The following NCOA7 variants were observed in gnomAD, a reference collection of about 807,000 sequenced individuals.
The protein encoded by NCOA7 is 140 kDa estrogen receptor-associated protein.
NCOA7 carries 45 observed loss-of-function variants against 104.3 expected under a neutral mutation model. The ratio of observed to expected loss-of-function variants is 0.43; its 90% CI spans 0.34 to 0.55. The LOEUF is 0.55. Ranked by LOEUF, NCOA7 falls within the 20% of genes least tolerant of loss-of-function variation. The pLI is 0.02. For missense variants in NCOA7, 1,041 were observed against 1,119.7 expected (o/e 0.93, Z 1.00); for synonymous variants, 398 against 402.3 (o/e 0.99, Z 0.13).
intron 13 of NCOA7, among the ~76,000 whole-genome samples, chr6:125,925,209 A>G (rs1787921613): frequency 6.6e-6 from 1 of 152,212 alleles, no homozygotes; most frequent in African/African-American, 2.4e-5. Flanking sequence ...GCTCTACCCA[A>G]AGGAACTGAC....
chr6:125,801,026 C>T (rs1042002290), intron 1 of NCOA7, among the ~76,000 whole-genome samples: 3 of 152,010 alleles, frequency 2.0e-5, no homozygotes, highest in Non-Finnish European at 4.4e-5. Flanking sequence ...CAGAGTGAGA[C>T]GCCATCTCAA....
chr6:125,792,705 G>T (rs1259656535), intron 1 of NCOA7, among the ~76,000 whole-genome samples: 1 of 151,676 alleles, frequency 6.6e-6, no homozygotes, highest in Non-Finnish European at 1.5e-5. Flanking sequence ...TTCCAAATTT[G>T]ACAGCCAGGG....
At chr6:125,856,771 A>C (rs1781597971) in intron 3 of NCOA7, among the ~76,000 whole-genome samples, 1 of 152,162 alleles carries the variant, frequency 6.6e-6, no homozygotes, top group Non-Finnish European at 1.5e-5. Flanking sequence ...AGTCACTAAG[A>C]ACACACTGCA....
intron 10 of NCOA7, among the ~76,000 whole-genome samples, chr6:125,913,338 G>A (rs1447495570): frequency 6.6e-6 from 1 of 152,178 alleles, no homozygotes; most frequent in African/African-American, 2.4e-5. Context: ...AGACCTCTGT[G>A]ATTTTCTCTT....
At chr6:125,824,037 A>C (rs936075826) in intron 2 of NCOA7, among the ~76,000 whole-genome samples, 45 of 152,184 alleles carry the variant, frequency 3.0e-4, no homozygotes, top group African/African-American at 1.1e-3. Flanking sequence ...GGATTCCTTA[A>C]TTGTTAGCAT....
At position 125,927,636 on chromosome 6, in the gene NCOA7, G is replaced by A. The variant is rs1257786955; in HGVS notation, c.2524-27G>A. 7 of 1,546,468 alleles carry A rather than the reference G, an allele frequency of 4.5e-6. No homozygotes were observed. In the East Asian group the frequency reaches 1.1e-4, roughly 25 times the overall value. On this transcript the variant is annotated intron_variant, in intron 13 of 15. Transcript: ENST00000392477. ...CTTTGGGGATTTAGGTTTGAATGTA[G>A]GTAACATTTCTGTTTTCTTTTGACA...
intron 10 of NCOA7, among the ~76,000 whole-genome samples, chr6:125,897,893 G>T (rs1785173900): frequency 1.3e-5 from 2 of 152,158 alleles, no homozygotes; most frequent in Admixed American, 1.3e-4. Context: ...TAGCCAGGCT[G>T]GTCTCATACT....
chr6:125,787,951 G>A (rs555183045), upstream of NCOA7, among the ~76,000 whole-genome samples: 20 of 152,142 alleles, frequency 1.3e-4, no homozygotes, highest in African/African-American at 3.9e-4. Flanking sequence ...TATCCTTTAC[G>A]GATAAAGCAA....
At chr6:125,866,546 CTT>C (rs769200692) in intron 3 of NCOA7, among the ~76,000 whole-genome samples, 1 of 152,114 alleles carries the variant, frequency 6.6e-6, no homozygotes, top group Non-Finnish European at 1.5e-5. Context: ...TAGGGTAACT[CTT>C]TGGGAATCCA....
intron 2 of NCOA7, among the ~76,000 whole-genome samples, chr6:125,820,020 G>A (rs1201712506): frequency 1.3e-5 from 2 of 152,204 alleles, no homozygotes; most frequent in South Asian, 2.1e-4. Context: ...TAATATAGAC[G>A]AAGACACAGA....
chr6:125,829,371 A>G (rs1370410205), intron 2 of NCOA7, among the ~76,000 whole-genome samples: 1 of 152,242 alleles, frequency 6.6e-6, no homozygotes, highest in African/African-American at 2.4e-5. Context: ...AAAATAAACT[A>G]TGTGACTGGA....
At chr6:125,887,846 G>T (rs1184355668) in intron 8 of NCOA7, among the ~76,000 whole-genome samples, 2 of 152,110 alleles carry the variant, frequency 1.3e-5, no homozygotes, top group Non-Finnish European at 1.5e-5. Context: ...AGTAGTAGTG[G>T]TAAGTGGATG....
intron 1 of NCOA7, among the ~76,000 whole-genome samples, chr6:125,809,205 T>C (rs955985499): frequency 6.6e-6 from 1 of 152,226 alleles, no homozygotes; most frequent in Non-Finnish European, 1.5e-5. Context: ...TTGTTTTTTT[T>C]TGAGAGAGAG....
chr6:125,847,510 A>C (rs1780729379), intron 2 of NCOA7, among the ~76,000 whole-genome samples: 1 of 152,246 alleles, frequency 6.6e-6, no homozygotes, highest in African/African-American at 2.4e-5. Context: ...CCCAAATTTT[A>C]AAATTAAGAA....
intron 10 of NCOA7, among the ~76,000 whole-genome samples, chr6:125,892,168 C>A (rs1299628964): frequency 6.6e-6 from 1 of 152,050 alleles, no homozygotes; most frequent in Admixed American, 6.6e-5. Context: ...GAAAAACTAC[C>A]TATCATATAT....
intron 11 of NCOA7, among the ~76,000 whole-genome samples, chr6:125,919,883 A>G (rs1230974588): frequency 1.3e-5 from 2 of 152,208 alleles, no homozygotes; most frequent in African/African-American, 4.8e-5. Context: ...CTGCCTGACA[A>G]CTTGCACTGG....
At chr6:125,880,263 C>T (rs575848588) in intron 5 of NCOA7, among the ~76,000 whole-genome samples, 1 of 152,194 alleles carries the variant, frequency 6.6e-6, no homozygotes, top group South Asian at 2.1e-4. Context: ...CTTTAGAACT[C>T]AGAGCCTGCT....
intron 3 of NCOA7, among the ~76,000 whole-genome samples, chr6:125,859,087 G>A (rs891577266): frequency 1.5e-4 from 23 of 152,004 alleles, no homozygotes; most frequent in African/African-American, 5.3e-4. Flanking sequence ...TTTACTTTTT[G>A]TTTGCTCTAC....
At chr6:125,900,327 A>G (rs564333816) in intron 10 of NCOA7, among the ~76,000 whole-genome samples, 1 of 152,352 alleles carries the variant, frequency 6.6e-6, no homozygotes, top group East Asian at 1.9e-4. Context: ...TTACTTCTGA[A>G]TCCACGCTAT....
Sources: allele counts gnomAD v4.1 joint callset (sites outside exome capture counted in the v4.1 genomes callset), GRCh38; gene constraint gnomAD v4.1.1; transcripts MANE v1.5; gene names NCBI Gene and HGNC (gene_info 2026-07-23, HGNC 2026-07-21).